The following MNS1 variants were observed in gnomAD, a reference collection of about 807,000 sequenced individuals.
MNS1 encodes the protein meiosis-specific nuclear structural protein 1.
A neutral mutation model predicts 72.0 loss-of-function variants in MNS1; 63 were observed. That is an observed-to-expected ratio of 0.87 (90% confidence interval 0.71 to 1.08). The LOEUF (loss-of-function observed/expected upper bound fraction) is 1.08, where lower values mean the gene tolerates loss of function less well. Among genes scored for constraint, MNS1 ranks in the 50% least tolerant of loss-of-function variants. The pLI is 0.00. For synonymous variants in MNS1, 188 were observed against 172.1 expected, an observed-to-expected ratio of 1.09 and a Z score of -0.72; for missense variants, 604 against 562.4, an observed-to-expected ratio of 1.07 and a Z score of -0.75.
rs1167195283 is a variant in MNS1 at position 56,464,128 on chromosome 15, T to C, written c.123A>G (p.Gln41=). 1.9e-6 allele frequency: 3 copies of C among 1,614,024 alleles called. No homozygotes were observed. The African/African-American group carries it at 4.0e-5, about 22-fold the overall frequency. Residue 41 remains glutamine (Q), a synonymous_variant, in exon 2 of 10, where the codon CAA becomes CAG. Coordinates refer to ENST00000260453, the MANE Select transcript of MNS1 (RefSeq NM_018365.4). ...LKNVNSQIRN[Q]MVQNENDNRV... ...GGTTATCATTTTCATTCTGCACCAT[T>C]TGATTCCTGATTTGACTGTTGACGT...
chr15:56,428,977 GTGA>G lies in MNS1; in HGVS notation c.*121_*123del, dbSNP rs1348498156. 5.3e-6 allele frequency: 3 copies of G among 566,364 alleles called. No individual in the cohort carries two copies. Among genetic ancestry groups the G allele is most frequent in the Non-Finnish European group, 6.1e-6 (2 of 326,876 alleles). 35.1% of individuals were successfully genotyped at this position (566,364 alleles called of 1,614,324 possible). A position where few individuals can be genotyped will look rare whatever the true frequency, so the allele number is the denominator to read the frequency against. ...AATTGTTTACAAGTTATGAAATTCA[GTGA>G]TGATTTACAAAATCCAAACAGACAA... is the stretch of plus-strand genomic sequence containing the variant. On this transcript the variant is annotated 3_prime_UTR_variant, in exon 10 of 10. Transcript: ENST00000260453.
intron 2 of MNS1, among the ~76,000 whole-genome samples, chr15:56,460,582 A>C (rs1199234789): frequency 3.9e-5 from 6 of 152,166 alleles, no homozygotes; most frequent in African/African-American, 9.7e-5. Context: ...GATGTTAAGA[A>C]GTAGTCAGGT....
intron 7 of MNS1, among the ~76,000 whole-genome samples, chr15:56,441,021 A>C (rs763179163): frequency 1.3e-5 from 2 of 152,148 alleles, no homozygotes; most frequent in Non-Finnish European, 2.9e-5. Context: ...TATGCATTTA[A>C]AGATATAAAC....
intron 1 of MNS1, among the ~76,000 whole-genome samples, chr15:56,464,631 A>C (rs1327160876): frequency 6.6e-6 from 1 of 152,138 alleles, no homozygotes; most frequent in Non-Finnish European, 1.5e-5. Flanking sequence ...AGTGCTGTTC[A>C]GAAGCTGGTC....
intron 5 of MNS1, among the ~76,000 whole-genome samples, chr15:56,444,185 G>C (rs2050868076): frequency 6.6e-6 from 1 of 152,066 alleles, no homozygotes; most frequent in South Asian, 2.1e-4. Flanking sequence ...TCTGACATAT[G>C]ATATGGGCAT....
chr15:56,453,421 T>C (rs2050961248), intron 3 of MNS1, among the ~76,000 whole-genome samples: 1 of 152,148 alleles, frequency 6.6e-6, no homozygotes, highest in Non-Finnish European at 1.5e-5. Context: ...TTTTAATCTA[T>C]CTCATCTATT....
At position 56,457,404 on chromosome 15, in the gene MNS1, G is replaced by A. The variant is rs375780035; in HGVS notation, c.226-883C>T. ...AAGGAGATATTACTACGTACCTATTGGAATGGCTAAAACAAAAAACAGTGC... is the reference window on the plus strand; with the variant it reads ...AAGGAGATATTACTACGTACCTATTAGAATGGCTAAAACAAAAAACAGTGC... On this transcript the variant is annotated intron_variant, in intron 2 of 9. Transcript: ENST00000260453. 2.0e-5 allele frequency among the ~76,000 whole-genome samples: 3 copies of A among 152,238 alleles called. 1 individual carries two copies. Among genetic ancestry groups the A allele is most frequent in the Admixed American group, 6.5e-5 (1 of 15,294 alleles).
intron 7 of MNS1, among the ~76,000 whole-genome samples, chr15:56,440,181 C>T (rs1226914628): frequency 6.6e-6 from 1 of 152,020 alleles, no homozygotes; most frequent in Non-Finnish European, 1.5e-5. Context: ...TGTTCAGCAT[C>T]ATTAGTCATC....
intron 9 of MNS1, chr15:56,429,906 C>T (rs2050526225): frequency 6.6e-6 from 1 of 152,020 alleles, no homozygotes; most frequent in Admixed American, 6.6e-5. Context: ...ATATCAAATC[C>T]CAAAGAAAGA....
chr15:56,462,730 C>A (rs557208622), intron 2 of MNS1, among the ~76,000 whole-genome samples: 23 of 152,268 alleles, frequency 1.5e-4, no homozygotes, highest in African/African-American at 5.5e-4. Flanking sequence ...TTAAAACAAA[C>A]CAACTGTAAA....
At chr15:56,457,592 G>A (rs1161827661) in intron 2 of MNS1, among the ~76,000 whole-genome samples, 2 of 152,164 alleles carry the variant, frequency 1.3e-5, no homozygotes, top group African/African-American at 4.8e-5. Flanking sequence ...GGAGGCTAAG[G>A]TGGGAGGATC....
chr15:56,464,990 A>G lies in MNS1; in HGVS notation c.-18T>C, dbSNP rs771978963. ...CTCACCATCTTGGCTGACGAAAAAT[A>G]CCCCCTCTCGTGGGACCGCGGCCAC... On this transcript the variant is annotated 5_prime_UTR_variant, in exon 1 of 10. Coordinates refer to ENST00000260453, the MANE Select transcript of MNS1 (RefSeq NM_018365.4). The G allele has an allele frequency of 6.3e-7, 1 of 1,595,692 alleles. No homozygotes were observed. Among genetic ancestry groups the G allele is most frequent in the Admixed American group, 1.7e-5 (1 of 58,492 alleles).
At position 56,446,963 on chromosome 15, in the gene MNS1, CAA is replaced by C; in HGVS notation, c.354-22_354-21del. The stretch of plus-strand genomic sequence containing the variant: ...TCAATGCTGTTTAAAAAAACAAAAA[CAA>C]ATTTAAATGTTAGGACCATAAGAGA... On this transcript the variant is annotated intron_variant, in intron 3 of 9. Transcript: ENST00000260453. The C allele has an allele frequency of 6.4e-7, 1 of 1,551,224 alleles. No homozygotes were observed. Among genetic ancestry groups the C allele is most frequent in the Non-Finnish European group, 8.8e-7 (1 of 1,132,568 alleles).
At chr15:56,431,338 C>A (rs1326034071) in intron 9 of MNS1, 35 bp downstream of exon 9, 2 of 1,603,712 alleles carry the variant, frequency 1.2e-6, no homozygotes, top group South Asian at 1.1e-5. Flanking sequence ...TATTACAGGT[C>A]ATGAAGATTA....
intron 2 of MNS1, among the ~76,000 whole-genome samples, chr15:56,459,308 C>G (rs1273366429): frequency 3.3e-5 from 5 of 152,140 alleles, no homozygotes; most frequent in African/African-American, 4.8e-5. Flanking sequence ...CTTTTTATGG[C>G]TGTGTAATAT....
At chr15:56,438,325 A>C (rs770427014) in intron 7 of MNS1, among the ~76,000 whole-genome samples, 1 of 151,990 alleles carries the variant, frequency 6.6e-6, no homozygotes, top group Non-Finnish European at 1.5e-5. Flanking sequence ...ATCTACAACC[A>C]TCTGCTCTTT....
At chr15:56,461,996 T>G (rs867834198) in intron 2 of MNS1, among the ~76,000 whole-genome samples, 5,719 of 140,242 alleles carry the variant, frequency 0.041, 225 homozygotes, top group Admixed American at 0.08. Flanking sequence ...TTTTTTTTTT[T>G]TTTTTTTTTT....
Position 56,460,009 on chromosome 15 carries a change from A to AAAAAAAAATATATATATATATATATAT in MNS1, c.226-3489_226-3488insATATATATATATATATATATTTTTTTT. 1.1e-3 allele frequency among the ~76,000 whole-genome samples: 28 copies of AAAAAAAAATATATATATATATATATAT among 26,378 alleles called. 7 individuals carry two copies. The highest frequency in any genetic ancestry group is 1.8e-3 in the Non-Finnish European group (26 of 14,302). The allele number at this position is 26,378 out of a possible 152,430, so 17.3% of individuals were successfully genotyped here. A position where few individuals can be genotyped will look rare whatever the true frequency, so the allele number is the denominator to read the frequency against. Reference sequence around the variant, plus strand: ...CTGTCTCAAAAAAAAAAAAAAAAAAAATACATATATATATATATATATATA... The same window carrying AAAAAAAAATATATATATATATATATAT: ...CTGTCTCAAAAAAAAAAAAAAAAAAAAAAAAAAATATATATATATATATATATATACATATATATATATATATATATA... On this transcript the variant is annotated intron_variant, in intron 2 of 9. Transcript: ENST00000260453.
At chr15:56,439,411 A>T (rs1038977255) in intron 7 of MNS1, among the ~76,000 whole-genome samples, 1 of 149,872 alleles carries the variant, frequency 6.7e-6, no homozygotes, top group African/African-American at 2.5e-5. Flanking sequence ...GATTCTTCAA[A>T]AATTCATATG....
Sources: gnomAD v4.1 joint callset for allele counts (sites outside exome capture counted in the v4.1 genomes callset) on GRCh38, gnomAD v4.1.1 for gene constraint, MANE v1.5 for transcripts, NCBI Gene and HGNC (gene_info 2026-07-23, HGNC 2026-07-21) for gene names.